Variants in SLC20A2 observed in about 807,000 individuals in gnomAD.
SLC20A2 encodes the protein sodium-dependent phosphate transporter 2.
SLC20A2 carries 30 observed loss-of-function variants against 61.0 expected under a neutral mutation model. The ratio of observed to expected loss-of-function variants is 0.49; its 90% confidence interval spans 0.37 to 0.67. SLC20A2 has a LOEUF of 0.67. SLC20A2 is among the 30% of genes least tolerant of loss of function. SLC20A2 has a pLI of 0.00. For synonymous variants in SLC20A2, 351 were observed against 353.3 expected (o/e 0.99, Z 0.07); for missense variants, 626 against 866.4 (o/e 0.72, Z 3.48).
intron 1 of SLC20A2, among the ~76,000 whole-genome samples, chr8:42,475,562 A>G (rs537976066): frequency 1.3e-5 from 2 of 151,972 alleles, no homozygotes; most frequent in Admixed American, 6.5e-5. Flanking sequence ...GGCACCCGCC[A>G]TCATGCCCGG....
chr8:42,515,662 G>A (rs1429798131), intron 1 of SLC20A2, among the ~76,000 whole-genome samples: 6 of 151,880 alleles, frequency 4.0e-5, no homozygotes, highest in Admixed American at 1.3e-4. Context: ...CCCCTTCCCC[G>A]CACTCTAAAA....
At chr8:42,491,679 A>C (rs1809529969) in intron 1 of SLC20A2, among the ~76,000 whole-genome samples, 1 of 152,026 alleles carries the variant, frequency 6.6e-6, no homozygotes, top group African/African-American at 2.4e-5. Flanking sequence ...TCAAAAAAAA[A>C]AAAGTCACTC....
intron 5 of SLC20A2, among the ~76,000 whole-genome samples, chr8:42,456,302 G>A (rs893418317): frequency 2.6e-5 from 4 of 152,194 alleles, no homozygotes; most frequent in African/African-American, 9.7e-5. Flanking sequence ...CAATTCCCAT[G>A]TTCAGGACTT....
At chr8:42,430,561 C>A (rs890880711) in intron 8 of SLC20A2, among the ~76,000 whole-genome samples, 10 of 152,152 alleles carry the variant, frequency 6.6e-5, no homozygotes, top group Admixed American at 2.6e-4. Flanking sequence ...TGGGGTTTCA[C>A]CATGTTGGCC....
intron 8 of SLC20A2, among the ~76,000 whole-genome samples, chr8:42,436,208 T>TCCTG (rs1364232076): frequency 1.3e-5 from 2 of 152,192 alleles, no homozygotes; most frequent in African/African-American, 2.4e-5. Flanking sequence ...GCACTCTGCC[T>TCCTG]CCTGCCTGCC....
chr8:42,444,951 C>G (rs1805092117), intron 5 of SLC20A2, among the ~76,000 whole-genome samples, 189 bp from the exon 6 acceptor site: 2 of 152,234 alleles, frequency 1.3e-5, no homozygotes, highest in Admixed American at 6.5e-5. Context: ...CATCTTATAT[C>G]TGGCGAATAT....
intron 1 of SLC20A2, among the ~76,000 whole-genome samples, chr8:42,533,260 A>G (rs1359271096): frequency 6.6e-6 from 1 of 152,208 alleles, no homozygotes; most frequent in Non-Finnish European, 1.5e-5. Flanking sequence ...ACAGCTGAAA[A>G]CAATGACATG....
At chr8:42,471,005 T>A in intron 2 of SLC20A2, 1 of 331,914 alleles carries the variant, frequency 3.0e-6, no homozygotes, top group Non-Finnish European at 5.9e-6. Flanking sequence ...AGAAAAAATG[T>A]AAGTGACAAA....
chr8:42,502,227 T>G (rs1487992742), upstream of SLC20A2: 1 of 152,024 alleles, frequency 6.6e-6, no homozygotes, highest in African/African-American at 2.4e-5. Flanking sequence ...CAACCAACCC[T>G]GGATCACCCC....
At chr8:42,536,295 A>G (rs1812692071) in intron 1 of SLC20A2, 2 of 152,252 alleles carry the variant, frequency 1.3e-5, no homozygotes, top group South Asian at 4.1e-4. Context: ...GCTACCCCCA[A>G]GATAAATGAT....
intron 5 of SLC20A2, among the ~76,000 whole-genome samples, chr8:42,449,123 CG>C (rs1419696850): frequency 6.6e-5 from 10 of 152,104 alleles, no homozygotes; most frequent in Admixed American, 6.6e-5. Flanking sequence ...CTTTCTGGTA[CG>C]GATCTCGAAT....
chr8:42,427,660 C>G (rs141585164), intron 10 of SLC20A2, among the ~76,000 whole-genome samples: 74 of 152,362 alleles, frequency 4.9e-4, no homozygotes, highest in African/African-American at 1.7e-3. Context: ...GCTGATTCTT[C>G]ATGCGTGGAG....
chr8:42,418,054 G>C, intron 10 of SLC20A2, 87 bp from the exon 11 acceptor site: 1 of 1,090,802 alleles, frequency 9.2e-7, no homozygotes, highest in Non-Finnish European at 1.3e-6. Context: ...TCAGAAACAA[G>C]CTCTAGTACA....
In SLC20A2 at chr8:42,439,756, T is replaced by G; in HGVS notation, c.731-103A>C. ...TATATCTTTATGCTTTAGCACTGAT[T>G]TTGGAAACAAAAAAAAAAGTTATAG... On this transcript the variant is annotated intron_variant, in intron 6 of 10. Coordinates refer to ENST00000520262, the MANE Select transcript of SLC20A2 (RefSeq NM_001257180.2). 10 of 917,832 alleles carry G rather than the reference T, an allele frequency of 1.1e-5. No individual in the cohort carries two copies. In the South Asian group the frequency reaches 1.7e-4, roughly 15 times the overall value. 56.9% of individuals were successfully genotyped at this position (917,832 alleles called of 1,614,324 possible).
chr8:42,516,442 TC>T (rs1811326510), intron 1 of SLC20A2, among the ~76,000 whole-genome samples: 1 of 152,242 alleles, frequency 6.6e-6, no homozygotes, highest in South Asian at 2.1e-4. Flanking sequence ...CTCAGACTTG[TC>T]CATGGCTTGG....
intron 1 of SLC20A2, among the ~76,000 whole-genome samples, chr8:42,539,010 T>A (rs1185075724): frequency 1.3e-5 from 2 of 152,088 alleles, no homozygotes; most frequent in African/African-American, 4.8e-5. Context: ...TGAAACCCCA[T>A]CTCCAGTCAC....
At position 42,428,609 on chromosome 8, in the gene SLC20A2, G is replaced by A. The variant is rs1803598693; in HGVS notation, c.1794+149C>T. 1.5e-5 allele frequency: 9 copies of A among 601,448 alleles called. No individual in the cohort carries two copies. In the South Asian group the frequency reaches 1.8e-4, roughly 12 times the overall value. The allele number at this position is 601,448 out of a possible 1,614,324, so 37.3% of individuals were successfully genotyped here. A position where few individuals can be genotyped will look rare whatever the true frequency, so the allele number is the denominator to read the frequency against. ...GAGGACGGTGGAGGGAACAGATGGA[G>A]GAATACAAGGTCCCGGAGACCTGGA... On this transcript the variant is annotated intron_variant, in intron 10 of 10. Coordinates refer to ENST00000520262, the MANE Select transcript of SLC20A2 (RefSeq NM_001257180.2).
rs1295066758 is a variant in SLC20A2 at position 42,537,283 on chromosome 8, C to T, written c.-265+4538G>A. 6.9e-5 allele frequency among the ~76,000 whole-genome samples: 10 copies of T among 145,174 alleles called. No individual in the cohort carries two copies. The Admixed American group carries it at 7.1e-4, about 10-fold the overall frequency. On this transcript the variant is annotated intron_variant, in intron 1 of 10. Coordinates refer to the SLC20A2 transcript ENST00000342228. ...CCTGTAGTCCCAGCTACTCTGGAGG[C>T]TGAGGTGGGAGGATTGCTTGAGGCA...
intron 1 of SLC20A2, among the ~76,000 whole-genome samples, chr8:42,487,583 T>C (rs1809135546): frequency 6.6e-6 from 1 of 152,234 alleles, no homozygotes; most frequent in Admixed American, 6.5e-5. Flanking sequence ...CTGTTCATTT[T>C]TCTTCATTCC....
Sources: allele counts gnomAD v4.1 joint callset (sites outside exome capture counted in the v4.1 genomes callset), GRCh38; gene constraint gnomAD v4.1.1; transcripts MANE v1.5; gene names NCBI Gene and HGNC (gene_info 2026-07-23, HGNC 2026-07-21).